TENM3: variants seen among roughly 807,000 people sequenced by gnomAD.
The protein encoded by TENM3 is teneurin transmembrane protein 3.
Under a neutral mutation model 255.1 loss-of-function variants are expected in TENM3, and 63 were observed. The ratio of observed to expected loss-of-function variants is 0.25; its 90% CI spans 0.20 to 0.30. TENM3 has a LOEUF of 0.30. Among genes scored for constraint, TENM3 ranks in the 10% least tolerant of loss-of-function variants. The probability of loss-of-function intolerance (pLI) is 1.00; values close to 1 mark genes in which losing one functional copy is unlikely to be tolerated. For synonymous variants in TENM3, 1,306 were observed against 1,322.3 expected (o/e 0.99, Z 0.27); for missense variants, 2,929 against 3,461.1 (o/e 0.85, Z 3.86).
chr4:182,142,264 A>G (rs971308445), upstream of TENM3: 6 of 152,286 alleles, frequency 3.9e-5, no homozygotes, highest in African/African-American at 1.4e-4. Flanking sequence ...TTCTTCCCGC[A>G]AAGATATGCG....
upstream of TENM3, chr4:182,142,028 A>C (rs1035542070): frequency 3.3e-5 from 5 of 152,190 alleles, no homozygotes; most frequent in African/African-American, 1.2e-4. Flanking sequence ...TGCTTTATGA[A>C]AGAGTTTCCT....
chr4:182,631,368 CAT>C (rs1371383606), intron 5 of TENM3: 8 of 152,200 alleles, frequency 5.3e-5, no homozygotes, highest in Non-Finnish European at 7.3e-5. Flanking sequence ...TAATTAAGCA[CAT>C]GTGTGCTTCC....
At chr4:182,582,129 C>T (rs1560956763) in intron 3 of TENM3, among the ~76,000 whole-genome samples, 1 of 152,198 alleles carries the variant, frequency 6.6e-6, no homozygotes, top group Non-Finnish European at 1.5e-5. Flanking sequence ...GGACTGGGGT[C>T]TCCACACTGG....
intron 3 of TENM3, among the ~76,000 whole-genome samples, chr4:182,510,512 T>G (rs1737288112): frequency 6.6e-6 from 1 of 152,216 alleles, no homozygotes; most frequent in South Asian, 2.1e-4. Context: ...TTTCTAGTTA[T>G]TCCAGTTCTG....
intron 2 of TENM3, among the ~76,000 whole-genome samples, chr4:182,330,310 G>T (rs1402818562): frequency 6.6e-6 from 1 of 152,172 alleles, no homozygotes; most frequent in Non-Finnish European, 1.5e-5. Flanking sequence ...GGATGAAGAG[G>T]GGACAGTCAT....
chr4:182,543,666 C>CATAT (rs142391880), intron 3 of TENM3, among the ~76,000 whole-genome samples: 16 of 151,532 alleles, frequency 1.1e-4, no homozygotes, highest in South Asian at 2.1e-4. Flanking sequence ...AACATATTTT[C>CATAT]ATATATATAT....
chr4:181,577,892 C>G, the TENM3 span, among the ~76,000 whole-genome samples: 5 of 152,260 alleles, frequency 3.3e-5, no homozygotes, highest in African/African-American at 1.2e-4. Context: ...CTTTTGTCCC[C>G]AGAAATTTGT....
At chr4:181,872,191 G>C in the TENM3 span, among the ~76,000 whole-genome samples, 2 of 151,358 alleles carry the variant, frequency 1.3e-5, no homozygotes, top group Non-Finnish European at 2.9e-5. Context: ...TGTAGGCTTG[G>C]AATTATCTTG....
intron 4 of TENM3, among the ~76,000 whole-genome samples, chr4:182,602,154 A>G (rs1008421339): frequency 2.6e-5 from 4 of 152,240 alleles, no homozygotes; most frequent in African/African-American, 7.2e-5. Context: ...CACAACCAAC[A>G]GTGGTGTCTT....
At chr4:181,636,247 A>G in the TENM3 span, among the ~76,000 whole-genome samples, 14,769 of 151,760 alleles carry the variant, frequency 0.097, 836 homozygotes, top group East Asian at 0.18. Flanking sequence ...GTTTCACCAT[A>G]TTGGCCAGGA....
chr4:182,421,526 A>T (rs1414481558), intron 3 of TENM3, among the ~76,000 whole-genome samples: 1 of 152,162 alleles, frequency 6.6e-6, no homozygotes, highest in Non-Finnish European at 1.5e-5. Context: ...TTCCCAAAGA[A>T]TCCAGAAGAG....
the TENM3 span, among the ~76,000 whole-genome samples, chr4:181,712,390 C>T: frequency 2.6e-5 from 4 of 152,186 alleles, no homozygotes; most frequent in South Asian, 8.3e-4. Flanking sequence ...GTGGGACCTC[C>T]CCACTCTCTT....
the TENM3 span, among the ~76,000 whole-genome samples, chr4:181,871,306 C>T: frequency 6.6e-6 from 1 of 152,134 alleles, no homozygotes. Flanking sequence ...TTTTGATTGA[C>T]ATTACATTGA....
chr4:181,790,603 G>A, the TENM3 span, among the ~76,000 whole-genome samples: 1 of 152,088 alleles, frequency 6.6e-6, no homozygotes, highest in Non-Finnish European at 1.5e-5. Flanking sequence ...AAAAAATAAA[G>A]TGAAGATAAT....
intron 22 of TENM3, among the ~76,000 whole-genome samples, chr4:182,758,674 A>G (rs1026124466): frequency 6.6e-5 from 10 of 152,108 alleles, no homozygotes; most frequent in East Asian, 1.9e-4. Context: ...CCATGTGTCT[A>G]TGTGTCTACT....
chr4:182,316,880 G>T lies in TENM3; in HGVS notation c.-75-7066G>T, dbSNP rs1402000495. ...GTGAGGGTCTTCTGGACTCTTCCTG[G>T]GTCCCCCTTCCTGTGCTACAGTCTG... On this transcript the variant is annotated intron_variant, in intron 1 of 27. Coordinates refer to ENST00000511685, the MANE Select transcript of TENM3 (RefSeq NM_001080477.4). Among the ~76,000 whole-genome samples, 3 of 152,074 alleles carry T rather than the reference G, an allele frequency of 2.0e-5. No homozygotes were observed. In the East Asian group the frequency reaches 5.8e-4, roughly 29 times the overall value.
chr4:182,692,223 G>A (rs1201834802), intron 12 of TENM3, among the ~76,000 whole-genome samples: 1 of 152,200 alleles, frequency 6.6e-6, no homozygotes, highest in African/African-American at 2.4e-5. Flanking sequence ...TGTGGATGCA[G>A]TTAGTTGGCC....
chr4:182,401,447 T>C (rs1483811447), intron 3 of TENM3, among the ~76,000 whole-genome samples: 2 of 152,212 alleles, frequency 1.3e-5, no homozygotes, highest in African/African-American at 2.4e-5. Context: ...AAGATTCTCA[T>C]GAAGCCAGAA....
At chr4:181,596,766 A>G in the TENM3 span, among the ~76,000 whole-genome samples, 2 of 152,136 alleles carry the variant, frequency 1.3e-5, no homozygotes, top group Non-Finnish European at 2.9e-5. Context: ...AAAGAATGAG[A>G]TCATGTCCTT....
Sources: gnomAD v4.1 joint callset for allele counts (sites outside exome capture counted in the v4.1 genomes callset) on GRCh38, gnomAD v4.1.1 for gene constraint, MANE v1.5 for transcripts, NCBI Gene and HGNC (gene_info 2026-07-23, HGNC 2026-07-21) for gene names.